Variants in DCDC1 observed in about 807,000 individuals in gnomAD.
DCDC1 encodes doublecortin domain containing 1.
Under a neutral mutation model 178.3 loss-of-function variants are expected in DCDC1, and 200 were observed. The ratio of observed to expected loss-of-function variants is 1.12; its 90% CI spans 1.00 to 1.26. DCDC1 has a LOEUF of 1.26. DCDC1 is among the 50% of genes most tolerant of loss of function. DCDC1 has a pLI of 0.00. For missense variants in DCDC1, 1,983 were observed against 1,749.2 expected (o/e 1.13, Z -2.38); for synonymous variants, 690 against 604.8 (o/e 1.14, Z -2.07).
intron 20 of DCDC1, among the ~76,000 whole-genome samples, chr11:31,003,006 C>T (rs988678566): frequency 6.6e-6 from 1 of 151,762 alleles, no homozygotes; most frequent in African/African-American, 2.4e-5. Context: ...TAGAAATAAA[C>T]CACCAATTTC....
intron 20 of DCDC1, among the ~76,000 whole-genome samples, chr11:31,005,595 C>G (rs1303732215): frequency 6.6e-6 from 1 of 152,084 alleles, no homozygotes; most frequent in Non-Finnish European, 1.5e-5. Flanking sequence ...AATAACAAGA[C>G]TAACCCCACT....
chr11:30,895,429 C>A (rs1453744659), intron 34 of DCDC1, among the ~76,000 whole-genome samples: 4 of 152,090 alleles, frequency 2.6e-5, no homozygotes, highest in African/African-American at 9.7e-5. Flanking sequence ...CACTTAGGTT[C>A]ATAAAACAAT....
At chr11:31,196,410 G>A (rs1052040233) in intron 9 of DCDC1, among the ~76,000 whole-genome samples, 2 of 151,812 alleles carry the variant, frequency 1.3e-5, no homozygotes, top group East Asian at 1.9e-4. Flanking sequence ...TCCACCCCCC[G>A]ACCAATTCTG....
chr11:31,354,225 G>A (rs1229310361), intron 1 of DCDC1, among the ~76,000 whole-genome samples: 1 of 152,198 alleles, frequency 6.6e-6, no homozygotes, highest in Non-Finnish European at 1.5e-5. Context: ...GGCGGAGGTT[G>A]CAGTGAGCCG....
At chr11:31,051,910 T>C (rs1955274230) in intron 20 of DCDC1, among the ~76,000 whole-genome samples, 1 of 151,752 alleles carries the variant, frequency 6.6e-6, no homozygotes, top group Non-Finnish European at 1.5e-5. Context: ...GAAGCAAAAA[T>C]ACAAGTTAAA....
intron 7 of DCDC1, among the ~76,000 whole-genome samples, chr11:31,273,474 A>C (rs1337157773): frequency 6.6e-6 from 1 of 151,992 alleles, no homozygotes; most frequent in Non-Finnish European, 1.5e-5. Context: ...ATAACAAGTC[A>C]CCTTTGCTCC....
intron 2 of DCDC1, among the ~76,000 whole-genome samples, chr11:31,332,509 G>A (rs372613487): frequency 1.3e-5 from 2 of 152,146 alleles, no homozygotes; most frequent in South Asian, 2.1e-4. Context: ...TTCTCTTGTG[G>A]GCATTTAGTG....
intron 11 of DCDC1, 37 bp downstream of exon 11, chr11:31,127,432 T>TG: frequency 1.4e-6 from 1 of 690,230 alleles, no homozygotes; most frequent in Non-Finnish European, 2.6e-6. Flanking sequence ...GCTTCTGCTC[T>TG]GGCTGAATCC....
chr11:30,946,701 T>C (rs2134436950), intron 21 of DCDC1, among the ~76,000 whole-genome samples: 1 of 152,288 alleles, frequency 6.6e-6, no homozygotes, highest in Admixed American at 6.5e-5. Context: ...TATGACAAAT[T>C]AGACAAGTTG....
rs1388292222 is a variant in DCDC1 at position 31,079,358 on chromosome 11, G to A, written c.2238-1433C>T. On this transcript the variant is annotated intron_variant, in intron 17 of 38. Transcript: ENST00000684477. ...AGGACACTTCCAGACCTTGCCCTGT[G>A]TACCTCTTCATCTGACTGTTCATGT... Among the ~76,000 whole-genome samples the A allele has an allele frequency of 2.6e-5, 4 of 152,292 alleles. No individual in the cohort carries two copies. The East Asian group carries it at 5.8e-4, about 22-fold the overall frequency.
intron 1 of DCDC1, among the ~76,000 whole-genome samples, chr11:31,338,384 T>C (rs1165554304): frequency 6.6e-6 from 1 of 152,198 alleles, no homozygotes; most frequent in Non-Finnish European, 1.5e-5. Flanking sequence ...CATATTCAAA[T>C]GGATCATATT....
chr11:31,083,887 A>G (rs1053830780), intron 17 of DCDC1, among the ~76,000 whole-genome samples: 2 of 152,226 alleles, frequency 1.3e-5, no homozygotes, highest in Non-Finnish European at 2.9e-5. Flanking sequence ...CAATCCTTAA[A>G]AATGAAGCAA....
chr11:30,870,769 C>A (rs1452851453), intron 38 of DCDC1, among the ~76,000 whole-genome samples: 3 of 152,162 alleles, frequency 2.0e-5, no homozygotes, highest in Non-Finnish European at 4.4e-5. Context: ...TTTGTGTCAG[C>A]TGCTTAGAAA....
intron 20 of DCDC1, among the ~76,000 whole-genome samples, chr11:31,012,973 A>C (rs1952263007): frequency 6.6e-6 from 1 of 152,208 alleles, no homozygotes; most frequent in East Asian, 1.9e-4. Context: ...GGGATTTCCA[A>C]ATATAGCAGT....
chr11:31,186,288 T>C (rs1969480184), intron 9 of DCDC1, among the ~76,000 whole-genome samples: 1 of 152,208 alleles, frequency 6.6e-6, no homozygotes, highest in Non-Finnish European at 1.5e-5. Context: ...TCATTTTATC[T>C]GGGGTCTTTT....
At chr11:31,189,137 T>C (rs960657553) in intron 9 of DCDC1, among the ~76,000 whole-genome samples, 3 of 152,136 alleles carry the variant, frequency 2.0e-5, no homozygotes. Flanking sequence ...CAGTCTAAGG[T>C]GTTTTTGTTA....
intron 3 of DCDC1, among the ~76,000 whole-genome samples, chr11:31,314,951 A>G (rs1190661700): frequency 1.3e-5 from 2 of 152,200 alleles, no homozygotes; most frequent in East Asian, 3.9e-4. Context: ...GATTTTCATT[A>G]AATCTAGTTT....
chr11:31,107,940 C>G (rs1350958763), intron 12 of DCDC1, among the ~76,000 whole-genome samples: 1 of 152,182 alleles, frequency 6.6e-6, no homozygotes, highest in African/African-American at 2.4e-5. Context: ...GGCCTAACTG[C>G]AGTTCAGGGT....
intron 20 of DCDC1, among the ~76,000 whole-genome samples, chr11:30,987,722 T>G (rs564736662): frequency 1.2e-4 from 18 of 152,294 alleles, no homozygotes; most frequent in South Asian, 4.1e-4. Flanking sequence ...CATGGCCCAT[T>G]GGCCACATGT....
Sources: allele counts gnomAD v4.1 joint callset (sites outside exome capture counted in the v4.1 genomes callset), GRCh38; gene constraint gnomAD v4.1.1; transcripts MANE v1.5; gene names NCBI Gene and HGNC (gene_info 2026-07-23, HGNC 2026-07-21).